Variants in DYNC1H1 observed in about 807,000 individuals in gnomAD.
DYNC1H1 encodes the protein cytoplasmic dynein 1 heavy chain 1.
In DYNC1H1, 51 loss-of-function variants were observed where a neutral mutation model predicts 527.1. That is an observed-to-expected ratio of 0.10 (90% CI 0.08 to 0.12). DYNC1H1 has a LOEUF of 0.12. Among genes scored for constraint, DYNC1H1 ranks in the 10% least tolerant of loss-of-function variants. The probability of loss-of-function intolerance (pLI) is 1.00; values close to 1 mark genes in which losing one functional copy is unlikely to be tolerated. For synonymous variants in DYNC1H1, 2,189 were observed against 2,278.8 expected, an observed-to-expected ratio of 0.96 and a Z score of 1.12; for missense variants, 2,771 against 5,971.8, an observed-to-expected ratio of 0.46 and a Z score of 17.66.
chr14:102,028,245 C>T, intron 48 of DYNC1H1, 104 bp downstream of exon 48: 1 of 1,373,884 alleles, frequency 7.3e-7, no homozygotes, highest in Non-Finnish European at 1.0e-6. Context: ...GGTGCAGTGA[C>T]TCATGCCTGT....
At position 102,018,401 on chromosome 14, in the gene DYNC1H1, C is replaced by G. The variant is rs374101414; in HGVS notation, c.8178-50C>G. 1 of 1,602,458 alleles carries G rather than the reference C, an allele frequency of 6.2e-7. No individual in the cohort carries two copies. Among genetic ancestry groups the G allele is most frequent in the East Asian group, 2.2e-5 (1 of 44,502 alleles). On this transcript the variant is annotated intron_variant, in intron 40 of 77. Coordinates refer to ENST00000360184, the MANE Select transcript of DYNC1H1 (RefSeq NM_001376.5). This position sits in a 1 kb window ranked among gnomAD's most constrained non-coding sequence, Gnocchi z 5.2. Reference sequence around the variant, plus strand: ...GACTCCACTGGCACACTGCCCCTTCCTGGGAGGCGCTGTCAGGGAGGGGCG... The same window carrying G: ...GACTCCACTGGCACACTGCCCCTTCGTGGGAGGCGCTGTCAGGGAGGGGCG...
chr14:102,048,612 G>A lies in DYNC1H1; in HGVS notation c.13315G>A (p.Glu4439Lys), dbSNP rs142883042. The A allele has an allele frequency of 2.1e-4, 339 of 1,613,984 alleles. No individual in the cohort carries two copies. Among genetic ancestry groups the A allele is most frequent in the Non-Finnish European group, 2.6e-4 (305 of 1,180,050 alleles). Reference protein sequence around the residue: ...QDLADVVQVCEGKKKQTNYLR... With the variant: ...QDLADVVQVCKGKKKQTNYLR... ...CCTTGCAGATGTCGTCCAGGTGTGC[G>A]AAGGAAAGAAGAAGCAGACCAACTA... is the stretch of plus-strand genomic sequence containing the variant. Residue 4439 changes from glutamate to lysine, a missense_variant, in exon 74 of 78, where the codon GAA becomes AAA. By Grantham distance (56) the Glu-to-Lys change is moderately conservative. This residue lies in a region of DYNC1H1 where 170 missense variants were observed against 249.8 expected (regional missense o/e 0.68). Coordinates refer to ENST00000360184, the MANE Select transcript of DYNC1H1 (RefSeq NM_001376.5).
At position 101,980,281 on chromosome 14, in the gene DYNC1H1, TG is replaced by T. The variant is rs1474442836; in HGVS notation, c.775-82del. 6 of 1,506,564 alleles carry T rather than the reference TG, an allele frequency of 4.0e-6. No homozygotes were observed. In the African/African-American group the frequency reaches 6.9e-5, roughly 17 times the overall value. The allele number at this position is 1,506,564 out of a possible 1,614,324, so 93.3% of individuals were successfully genotyped here. ...TCTACTTGAAATATAAAAATTGAGT[TG>T]TAATGCATGTGTTTTGTTAACGATA... On this transcript the variant is annotated intron_variant, in intron 4 of 77. Coordinates refer to ENST00000360184, the MANE Select transcript of DYNC1H1 (RefSeq NM_001376.5).
intron 13 of DYNC1H1, 40 bp from the exon 14 acceptor site, chr14:101,994,946 G>A: frequency 1.2e-6 from 2 of 1,613,226 alleles, no homozygotes; most frequent in Non-Finnish European, 1.7e-6. Context: ...ACGCCAGCAG[G>A]AAAGAGCTGA....
chr14:101,984,439 A>G (rs1229065262), intron 7 of DYNC1H1, among the ~76,000 whole-genome samples: 49 of 119,566 alleles, frequency 4.1e-4, no homozygotes, highest in African/African-American at 1.5e-3. Flanking sequence ...GTGTATATAT[A>G]TATATATTAT....
Position 102,049,145 on chromosome 14 carries a change from G to T in DYNC1H1, c.13373-295G>T, listed in dbSNP as rs1481406439. 15 of 486,846 alleles carry T rather than the reference G, an allele frequency of 3.1e-5. No individual in the cohort carries two copies. The East Asian group carries it at 6.0e-4, about 20-fold the overall frequency. The allele number at this position is 486,846 out of a possible 1,614,324, so 30.2% of individuals were successfully genotyped here. A position where few individuals can be genotyped will look rare whatever the true frequency, so the allele number is the denominator to read the frequency against. ...ACACTGAGCCACTTGTGTGACATGA[G>T]GTTTTAGCCGCGGTTTTGCTTGGAT... On this transcript the variant is annotated intron_variant, in intron 74 of 77. Coordinates refer to ENST00000360184, the MANE Select transcript of DYNC1H1 (RefSeq NM_001376.5). The surrounding 1 kb of genome is among the most constrained non-coding windows in gnomAD (Gnocchi z 5.5).
At position 102,027,863 on chromosome 14, in the gene DYNC1H1, A is replaced by G. The variant is rs748540185; in HGVS notation, c.9263+30A>G. ...GTGGGCCTTTACTTGGCTCTGGGTC[A>G]GGAAAGTCGGTGTCCTTCCAAGGGA... On this transcript the variant is annotated intron_variant, in intron 47 of 77. Coordinates refer to ENST00000360184, the MANE Select transcript of DYNC1H1 (RefSeq NM_001376.5). This position sits in a 1 kb window ranked among gnomAD's most constrained non-coding sequence, Gnocchi z 7.7. The G allele has an allele frequency of 1.1e-5, 18 of 1,614,100 alleles. No individual in the cohort carries two copies. The highest frequency in any genetic ancestry group is 1.4e-5 in the Non-Finnish European group (17 of 1,180,054).
At chr14:101,988,981 T>A in intron 10 of DYNC1H1, 129 bp downstream of exon 10, 1 of 1,295,000 alleles carries the variant, frequency 7.7e-7, no homozygotes, top group Non-Finnish European at 1.1e-6. Context: ...GTGATGAAGG[T>A]CAGCCTCACC....
rs2048317566 is a variant in DYNC1H1, at chr14:102,016,055, T to C, written c.7442T>C (p.Met2481Thr). The C allele has an allele frequency of 3.1e-6, 5 of 1,612,842 alleles. No individual in the cohort carries two copies. The highest frequency in any genetic ancestry group is 2.2e-5 in the East Asian group (1 of 44,836). The stretch of plus-strand genomic sequence containing the variant: ...AACGCCAACCATCCCGACTTCCCCA[T>C]GCAGATCGAGCAGCTGGAGCGCTAC... ...QYNANHPDFPMQIEQLERYIQ... is the reference protein window; with the variant it reads ...QYNANHPDFPTQIEQLERYIQ... Residue 2481 changes from methionine (M) to threonine (T), a missense_variant, in exon 36 of 78, where the codon ATG (methionine) becomes ACG (threonine). Around this residue, in one of 32 missense-constraint regions of DYNC1H1, gnomAD observed 122 missense variants for 168.4 expected, o/e 0.72. Transcript: ENST00000360184. This position sits in a 1 kb window ranked among gnomAD's most constrained non-coding sequence, Gnocchi z 7.3.
chr14:102,024,486 T>C (rs2048425643), intron 43 of DYNC1H1, among the ~76,000 whole-genome samples: 1 of 152,136 alleles, frequency 6.6e-6, no homozygotes, highest in Admixed American at 6.6e-5. Flanking sequence ...GTCTTCTGAA[T>C]GGCTTTCAGT....
At chr14:102,024,734 G>T (rs1313830963) in intron 43 of DYNC1H1, among the ~76,000 whole-genome samples, 1 of 122,704 alleles carries the variant, frequency 8.1e-6, no homozygotes. Flanking sequence ...TCGCTCTGTC[G>T]CCCAGGCTAG....
intron 4 of DYNC1H1, 95 bp from the exon 5 acceptor site, chr14:101,980,269 T>G (rs760925490): frequency 6.8e-5 from 100 of 1,470,360 alleles, no homozygotes; most frequent in Non-Finnish European, 9.1e-5. Flanking sequence ...ACTTGAAATA[T>G]AAAAATTGAG....
rs1282667233 is a variant in DYNC1H1 at position 101,983,913 on chromosome 14, G to A, written c.1461+304G>A. ...AGGCTGGTTTTGAACTGGCCTTCAA[G>A]TGTTCCACCTGCCTCGGCCTCCCAA... On this transcript the variant is annotated intron_variant, in intron 7 of 77. Coordinates refer to ENST00000360184, the MANE Select transcript of DYNC1H1 (RefSeq NM_001376.5). The surrounding 1 kb of genome is among the most constrained non-coding windows in gnomAD (Gnocchi z 5.3). 1.3e-5 allele frequency among the ~76,000 whole-genome samples: 2 copies of A among 152,104 alleles called. No individual in the cohort carries two copies. The highest frequency in any genetic ancestry group is 4.8e-5 in the African/African-American group (2 of 41,392).
intron 23 of DYNC1H1, among the ~76,000 whole-genome samples, chr14:102,004,093 A>T (rs1265798010): frequency 2.6e-5 from 4 of 151,610 alleles, no homozygotes; most frequent in East Asian, 3.9e-4. Flanking sequence ...TACAAAAAAA[A>T]ATTAGCCGGG....
In DYNC1H1 at chr14:102,027,077, TA is replaced by T; in HGVS notation, c.8772-93del. 7.3e-7 allele frequency: 1 copy of T among 1,376,708 alleles called. No homozygotes were observed. The highest frequency in any genetic ancestry group is 1.0e-6 in the Non-Finnish European group (1 of 965,824). The allele number at this position is 1,376,708 out of a possible 1,614,324, so 85.3% of individuals were successfully genotyped here. The stretch of plus-strand genomic sequence containing the variant: ...AAATGTTTAATATACAAGTTCAAGT[TA>T]AAACATGTCCAAAATACTGTAGACA... On this transcript the variant is annotated intron_variant, in intron 44 of 77. Coordinates refer to ENST00000360184, the MANE Select transcript of DYNC1H1 (RefSeq NM_001376.5). This position sits in a 1 kb window ranked among gnomAD's most constrained non-coding sequence, Gnocchi z 7.7.
intron 10 of DYNC1H1, among the ~76,000 whole-genome samples, chr14:101,991,130 G>A (rs547293897): frequency 3.3e-5 from 5 of 151,738 alleles, no homozygotes; most frequent in African/African-American, 1.2e-4. Context: ...GAGCCATGTC[G>A]CCATCGCACT....
At position 102,036,725 on chromosome 14, in the gene DYNC1H1, G is replaced by GT. The variant is rs1453196710; in HGVS notation, c.10908+84dup. ...GGGGCTGCCTTTAGTTTTCAACTTTGTAAGACTTCATTTTGTATCAGAAGG... is the reference window on the plus strand; with the variant it reads ...GGGGCTGCCTTTAGTTTTCAACTTTGTTAAGACTTCATTTTGTATCAGAAGG... On this transcript the variant is annotated intron_variant, in intron 57 of 77. Coordinates refer to ENST00000360184, the MANE Select transcript of DYNC1H1 (RefSeq NM_001376.5). The surrounding 1 kb of genome is among the most constrained non-coding windows in gnomAD (Gnocchi z 5.6). The GT allele has an allele frequency of 6.5e-7, 1 of 1,535,038 alleles. No homozygotes were observed. The highest frequency in any genetic ancestry group is 1.4e-5 in the African/African-American group (1 of 73,122).
At chr14:101,978,374 T>C (rs2047826103) in intron 2 of DYNC1H1, among the ~76,000 whole-genome samples, 1 of 152,202 alleles carries the variant, frequency 6.6e-6, no homozygotes, top group Admixed American at 6.5e-5. Flanking sequence ...GGTTTCGCCA[T>C]GTTGGCCAGG....
rs17541671 is a variant in DYNC1H1 at position 102,048,755 on chromosome 14, G to A, written c.13372+86G>A. The A allele has an allele frequency of 3.2e-4, 473 of 1,469,008 alleles. 5 individuals are homozygous for A. The South Asian group carries it at 5.0e-3, about 16-fold the overall frequency. The allele number at this position is 1,469,008 out of a possible 1,614,324, so 91.0% of individuals were successfully genotyped here. ...ACCCAGCCCAGCCACACAGCACCAC[G>A]TGCAGACAGCCAGGCCTGCAGGAGC... On this transcript the variant is annotated intron_variant, in intron 74 of 77. Coordinates refer to ENST00000360184, the MANE Select transcript of DYNC1H1 (RefSeq NM_001376.5).
Sources: gnomAD v4.1 joint callset for allele counts (sites outside exome capture counted in the v4.1 genomes callset) on GRCh38, gnomAD v4.1.1 for gene constraint, gnomAD v4.1.1 regional missense constraint, Gnocchi (gnomAD v3.1) non-coding constraint, MANE v1.5 for transcripts, NCBI Gene and HGNC (gene_info 2026-07-23, HGNC 2026-07-21) for gene names.